MMP14: variants seen among roughly 807,000 people sequenced by gnomAD.
MMP14 encodes matrix metallopeptidase 14, also known as matrix metalloproteinase-14.
Under a neutral mutation model 64.8 loss-of-function variants are expected in MMP14, and 13 were observed. That is an observed-to-expected ratio of 0.20 (90% CI 0.13 to 0.32). The LOEUF (loss-of-function observed/expected upper bound fraction) is 0.32. Ranked by LOEUF, MMP14 falls within the 10% of genes least tolerant of loss-of-function variation. The probability of loss-of-function intolerance (pLI) is 1.00; values close to 1 mark genes in which losing one functional copy is unlikely to be tolerated. For synonymous variants in MMP14, 322 were observed against 315.9 expected, an observed-to-expected ratio of 1.02 and a Z score of -0.20; for missense variants, 594 against 783.8, an observed-to-expected ratio of 0.76 and a Z score of 2.89.
In MMP14 at chr14:22,843,923, T is replaced by C; in HGVS notation, c.1011+53T>C. 1 of 1,588,032 alleles carries C rather than the reference T, an allele frequency of 6.3e-7. No individual in the cohort carries two copies. Among genetic ancestry groups the C allele is most frequent in the Middle Eastern group, 1.7e-4 (1 of 5,962 alleles). Reference sequence around the variant, plus strand: ...ACAAAAGGGCCCTATGGGCTGGGCATGGTGGCTCATGCCTGTAATCCTAGC... The same window carrying C: ...ACAAAAGGGCCCTATGGGCTGGGCACGGTGGCTCATGCCTGTAATCCTAGC... On this transcript the variant is annotated intron_variant, in intron 6 of 9. Transcript: ENST00000311852. This position sits in a 1 kb window ranked among gnomAD's most constrained non-coding sequence, Gnocchi z 4.8.
Position 22,842,785 on chromosome 14 carries a change from C to A in MMP14, c.688+68C>A, listed in dbSNP as rs1459354508. 2.0e-6 allele frequency: 3 copies of A among 1,476,118 alleles called. No individual in the cohort carries two copies. Among genetic ancestry groups the A allele is most frequent in the East Asian group, 4.6e-5 (2 of 43,910 alleles). 91.4% of individuals were successfully genotyped at this position (1,476,118 alleles called of 1,614,324 possible). On this transcript the variant is annotated intron_variant, in intron 4 of 9. Transcript: ENST00000311852. This position sits in a 1 kb window ranked among gnomAD's most constrained non-coding sequence, Gnocchi z 5.3. Reference sequence around the variant, plus strand: ...AGTCATTTGTAGGGGTGGTTCCCCTCCCTCCTTCCAAAATCTCCGGGCTAG... The same window carrying A: ...AGTCATTTGTAGGGGTGGTTCCCCTACCTCCTTCCAAAATCTCCGGGCTAG...
Position 22,844,298 on chromosome 14 carries a change from G to A in MMP14, c.1012-73G>A, listed in dbSNP as rs940409633. The A allele has an allele frequency of 2.0e-5, 31 of 1,587,022 alleles. No homozygotes were observed. In the African/African-American group the frequency reaches 2.6e-4, roughly 13 times the overall value. On this transcript the variant is annotated intron_variant, in intron 6 of 9. Transcript: ENST00000311852. ...AACTGAGGAACAAACAGCAGTGCGG[G>A]AGCTTTGGGGACTGAACCAGAGACC... is the stretch of plus-strand genomic sequence containing the variant.
intron 1 of MMP14, among the ~76,000 whole-genome samples, chr14:22,840,262 C>T (rs932634701): frequency 6.6e-6 from 1 of 152,204 alleles, no homozygotes; most frequent in Non-Finnish European, 1.5e-5. Context: ...CCACCACGCC[C>T]AGCCTGGCTT....
rs540866968 is a variant in MMP14, at chr14:22,845,094, C to T, written c.1302-157C>T. 1.6e-4 allele frequency among the ~76,000 whole-genome samples: 24 copies of T among 152,310 alleles called. 1 individual carries two copies. Among genetic ancestry groups the T allele is most frequent in the African/African-American group, 5.8e-4 (24 of 41,576 alleles). On this transcript the variant is annotated intron_variant, in intron 8 of 9. Transcript: ENST00000311852. ...CCTGGGCCCTCCCTTCCACCCCCAC[C>T]TTCCGCCGCTTTCAGCAGCAGGTCC... is the stretch of plus-strand genomic sequence containing the variant.
chr14:22,844,521 C>T lies in MMP14; in HGVS notation c.1150+12C>T, dbSNP rs1199793975. 2 of 1,614,034 alleles carry T rather than the reference C, an allele frequency of 1.2e-6. No homozygotes were observed. The highest frequency in any genetic ancestry group is 1.3e-5 in the African/African-American group (1 of 74,922). On this transcript the variant is annotated intron_variant, in intron 7 of 9. Coordinates refer to ENST00000311852, the MANE Select transcript of MMP14 (RefSeq NM_004995.4). ...CGTCTTCTTCAAAGGTAACCAGGCA[C>T]TCCACTTTAGTCTTTGGGAGTGAGG...
Position 22,843,638 on chromosome 14 carries a change from C to A in MMP14, c.851-72C>A. 1 of 1,509,180 alleles carries A rather than the reference C, an allele frequency of 6.6e-7. No individual in the cohort carries two copies. The highest frequency in any genetic ancestry group is 1.3e-5 in the South Asian group (1 of 77,982). 93.5% of individuals were successfully genotyped at this position (1,509,180 alleles called of 1,614,324 possible). ...ATCCACACCTTTCCAAGGGTATTGTCTGCCCATCTGTCTGTCCTTCCGTCC... is the reference window on the plus strand; with the variant it reads ...ATCCACACCTTTCCAAGGGTATTGTATGCCCATCTGTCTGTCCTTCCGTCC... On this transcript the variant is annotated intron_variant, in intron 5 of 9. Transcript: ENST00000311852. This position sits in a 1 kb window ranked among gnomAD's most constrained non-coding sequence, Gnocchi z 4.8.
Position 22,843,416 on chromosome 14 carries a change from A to G in MMP14, c.848A>G (p.Tyr283Cys). 1 of 1,612,950 alleles carries G rather than the reference A, an allele frequency of 6.2e-7. No individual in the cohort carries two copies. Among genetic ancestry groups the G allele is most frequent in the Non-Finnish European group, 8.5e-7 (1 of 1,179,476 alleles). The change falls in exon 5 of 10, where the codon TAT becomes TGT. Residue 283 changes from tyrosine to cysteine, a missense_variant and splice_region_variant. Coordinates refer to ENST00000311852, the MANE Select transcript of MMP14 (RefSeq NM_004995.4). The surrounding 1 kb of genome is among the most constrained non-coding windows in gnomAD (Gnocchi z 4.8). ...GACCGCCGGGGCATCCAGCAACTTT[A>G]TGGCGAGTAGTCTACACCCACGCCT... ...DDDRRGIQQL[Y>C]GGESGFPTKM...
intron 1 of MMP14, among the ~76,000 whole-genome samples, chr14:22,838,979 T>C (rs2039754222): frequency 6.6e-6 from 1 of 152,134 alleles, no homozygotes; most frequent in Non-Finnish European, 1.5e-5. Flanking sequence ...GTTGTAGGTG[T>C]GAATATTTAG....
At position 22,843,656 on chromosome 14, in the gene MMP14, T is replaced by C; in HGVS notation, c.851-54T>C. ...GTATTGTCTGCCCATCTGTCTGTCC[T>C]TCCGTCCCCGCCTCCTCCTAAGTCT... On this transcript the variant is annotated intron_variant, in intron 5 of 9. Coordinates refer to ENST00000311852, the MANE Select transcript of MMP14 (RefSeq NM_004995.4). The surrounding 1 kb of genome is among the most constrained non-coding windows in gnomAD (Gnocchi z 4.8). The C allele has an allele frequency of 6.5e-7, 1 of 1,549,964 alleles. No individual in the cohort carries two copies.
chr14:22,837,610 C>A (rs893892066), intron 1 of MMP14, among the ~76,000 whole-genome samples: 4 of 152,270 alleles, frequency 2.6e-5, no homozygotes, highest in Non-Finnish European at 5.9e-5. Context: ...TCGGCCGGGT[C>A]GCTGCCTCCC....
rs1242919102 is a variant in MMP14 at position 22,836,763 on chromosome 14, G to T, written c.-55G>T. On this transcript the variant is annotated 5_prime_UTR_variant, in exon 1 of 10. Coordinates refer to ENST00000311852, the MANE Select transcript of MMP14 (RefSeq NM_004995.4). ...GAGGGAGTGGCGGTGCGACCCCAGG[G>T]CGTGGGCCCGGCCGCGGAGCCCACA... The T allele has an allele frequency of 1.0e-5, 12 of 1,149,520 alleles. No homozygotes were observed. Among genetic ancestry groups the T allele is most frequent in the Non-Finnish European group, 1.5e-5 (12 of 811,912 alleles). 71.2% of individuals were successfully genotyped at this position (1,149,520 alleles called of 1,614,324 possible).
chr14:22,841,819 G>T, intron 2 of MMP14, 94 bp from the exon 3 acceptor site: 1 of 1,496,484 alleles, frequency 6.7e-7, no homozygotes, highest in South Asian at 1.2e-5. Flanking sequence ...TCCCCACATT[G>T]ACACACAGCA....
intron 1 of MMP14, among the ~76,000 whole-genome samples, chr14:22,839,542 G>A (rs2039758061): frequency 6.6e-6 from 1 of 152,230 alleles, no homozygotes; most frequent in Non-Finnish European, 1.5e-5. Flanking sequence ...CAAGACTGTT[G>A]GCTGGGAAAA....
chr14:22,840,746 G>GT (rs2138738327), intron 1 of MMP14, among the ~76,000 whole-genome samples: 1 of 152,226 alleles, frequency 6.6e-6, no homozygotes, highest in African/African-American at 2.4e-5. Context: ...TCCTGACCTC[G>GT]TGATCAGCCT....
Position 22,836,776 on chromosome 14 carries a change from C to T in MMP14, c.-42C>T, listed in dbSNP as rs954726678. The T allele has an allele frequency of 6.0e-6, 8 of 1,341,194 alleles. No individual in the cohort carries two copies. Among genetic ancestry groups the T allele is most frequent in the Admixed American group, 4.3e-5 (2 of 46,064 alleles). The allele number at this position is 1,341,194 out of a possible 1,614,324, so 83.1% of individuals were successfully genotyped here. A position where few individuals can be genotyped will look rare whatever the true frequency, so the allele number is the denominator to read the frequency against. On this transcript the variant is annotated 5_prime_UTR_variant, in exon 1 of 10. Transcript: ENST00000311852. ...TGCGACCCCAGGGCGTGGGCCCGGC[C>T]GCGGAGCCCACACTGCCCGGCTGAC...
intron 6 of MMP14, among the ~76,000 whole-genome samples, chr14:22,844,127 G>A (rs2039794088): frequency 6.6e-6 from 1 of 152,084 alleles, no homozygotes; most frequent in African/African-American, 2.4e-5. Flanking sequence ...AACCTGGGAG[G>A]TGGAGGTTGC....
Position 22,843,888 on chromosome 14 carries a change from G to A in MMP14, c.1011+18G>A. 1 of 1,605,504 alleles carries A rather than the reference G, an allele frequency of 6.2e-7. No individual in the cohort carries two copies. The highest frequency in any genetic ancestry group is 2.2e-5 in the East Asian group (1 of 44,800). ...TCTTCAAGGTGAGAAGAAGTGGGCTGGTTTGAAAGACAAAAGGGCCCTATG... is the reference window on the plus strand; with the variant it reads ...TCTTCAAGGTGAGAAGAAGTGGGCTAGTTTGAAAGACAAAAGGGCCCTATG... On this transcript the variant is annotated intron_variant, in intron 6 of 9. Coordinates refer to ENST00000311852, the MANE Select transcript of MMP14 (RefSeq NM_004995.4). This position sits in a 1 kb window ranked among gnomAD's most constrained non-coding sequence, Gnocchi z 4.8.
At chr14:22,837,948 C>T (rs2039746812) in intron 1 of MMP14, among the ~76,000 whole-genome samples, 1 of 152,196 alleles carries the variant, frequency 6.6e-6, no homozygotes, top group South Asian at 2.1e-4. Flanking sequence ...GGCCTGGGTG[C>T]GGTTGGGAGG....
In MMP14 at chr14:22,847,173, G is replaced by A. The variant is rs1378171251; in HGVS notation, c.*1134G>A. The A allele has an allele frequency of 5.9e-5, 9 of 152,734 alleles. No individual in the cohort carries two copies. Among genetic ancestry groups the A allele is most frequent in the African/African-American group, 2.2e-4 (9 of 41,488 alleles). The allele number at this position is 152,734 out of a possible 1,614,324, so 9.5% of individuals were successfully genotyped here. A position where few individuals can be genotyped will look rare whatever the true frequency, so the allele number is the denominator to read the frequency against. ...GGCAGCCAGAGAAAGGAGCAGAGAA[G>A]GCACACAAACGAGGAATGAGGGGCT... On this transcript the variant is annotated 3_prime_UTR_variant, in exon 10 of 10. Transcript: ENST00000311852.
Sources: gnomAD v4.1 joint callset for allele counts (sites outside exome capture counted in the v4.1 genomes callset) on GRCh38, gnomAD v4.1.1 for gene constraint, Gnocchi (gnomAD v3.1) non-coding constraint, MANE v1.5 for transcripts, NCBI Gene and HGNC (gene_info 2026-07-23, HGNC 2026-07-21) for gene names.